Variants in TSPAN5 observed in about 807,000 individuals in gnomAD.
The protein encoded by TSPAN5 is tetraspanin-5.
In TSPAN5, 10 loss-of-function variants were observed where a neutral mutation model predicts 37.1. That is an observed-to-expected ratio of 0.27 (90% confidence interval 0.17 to 0.46). The LOEUF (loss-of-function observed/expected upper bound fraction) is 0.46. TSPAN5 is among the 20% of genes least tolerant of loss of function. The probability of loss-of-function intolerance (pLI) is 1.00; values close to 1 mark genes in which losing one functional copy is unlikely to be tolerated. For synonymous variants in TSPAN5, 110 were observed against 118.9 expected (o/e 0.93, Z 0.48); for missense variants, 195 against 326.6 (o/e 0.60, Z 3.11).
intron 1 of TSPAN5, among the ~76,000 whole-genome samples, chr4:98,515,522 T>G (rs1753708879): frequency 6.6e-6 from 1 of 152,084 alleles, no homozygotes; most frequent in Non-Finnish European, 1.5e-5. Context: ...GCTCTCTCTC[T>G]CTCTCTCTCT....
At chr4:98,537,454 A>G (rs1317907550) in intron 1 of TSPAN5, among the ~76,000 whole-genome samples, 1 of 152,182 alleles carries the variant, frequency 6.6e-6, no homozygotes, top group Non-Finnish European at 1.5e-5. Flanking sequence ...TGCCAGCCAG[A>G]AGCCACTTTT....
chr4:98,602,098 GATATAGTAACAATGAAAAAGT>G (rs1755896762), intron 1 of TSPAN5, among the ~76,000 whole-genome samples: 2 of 152,170 alleles, frequency 1.3e-5, no homozygotes, highest in African/African-American at 4.8e-5. Flanking sequence ...CACCATAACA[GATATAGTAACAATGAAAAAGT>G]ATGGAATGTC....
chr4:98,592,958 T>A (rs1471460512), intron 1 of TSPAN5, among the ~76,000 whole-genome samples: 1 of 123,064 alleles, frequency 8.1e-6, no homozygotes, highest in Non-Finnish European at 1.7e-5. Context: ...TACCCAGTAA[T>A]GGGATGGCTG....
At chr4:98,565,215 T>TC (rs1287843402) in intron 1 of TSPAN5, among the ~76,000 whole-genome samples, 1 of 152,178 alleles carries the variant, frequency 6.6e-6, no homozygotes, top group Non-Finnish European at 1.5e-5. Context: ...TTGGTGTTTT[T>TC]CCCCCTTGTT....
At chr4:98,489,872 G>A (rs1235657786) in intron 2 of TSPAN5, among the ~76,000 whole-genome samples, 1 of 152,274 alleles carries the variant, frequency 6.6e-6, no homozygotes, top group South Asian at 2.1e-4. Flanking sequence ...CTTGGAAGCG[G>A]CCCGCCACCA....
chr4:98,571,287 T>C (rs541827646), intron 1 of TSPAN5, among the ~76,000 whole-genome samples: 169 of 151,296 alleles, frequency 1.1e-3, no homozygotes, highest in African/African-American at 3.8e-3. Flanking sequence ...TGGCCACTCA[T>C]GGAGGGCAGG....
chr4:98,578,326 T>C (rs1755290170), intron 1 of TSPAN5, among the ~76,000 whole-genome samples: 1 of 152,226 alleles, frequency 6.6e-6, no homozygotes, highest in Non-Finnish European at 1.5e-5. Flanking sequence ...AATCGTGGAA[T>C]GATATTCAGT....
chr4:98,637,202 C>T lies in TSPAN5; in HGVS notation c.81+20944G>A, dbSNP rs192548616. Reference sequence around the variant, plus strand: ...TTAAGCCTTTGAAGGACTGCCGTTGCTCCTGCCCTTGATGCACACAGCACT... The same window carrying T: ...TTAAGCCTTTGAAGGACTGCCGTTGTTCCTGCCCTTGATGCACACAGCACT... On this transcript the variant is annotated intron_variant, in intron 1 of 7. Coordinates refer to ENST00000305798, the MANE Select transcript of TSPAN5 (RefSeq NM_005723.4). 2.7e-3 allele frequency among the ~76,000 whole-genome samples: 404 copies of T among 152,340 alleles called. 6 individuals are homozygous for T. The highest frequency in any genetic ancestry group is 9.1e-3 in the African/African-American group (379 of 41,566).
chr4:98,600,957 G>A (rs1755868684), intron 1 of TSPAN5, among the ~76,000 whole-genome samples: 1 of 152,188 alleles, frequency 6.6e-6, no homozygotes, highest in African/African-American at 2.4e-5. Context: ...CAGAATGGAT[G>A]TTTTGTTAGC....
chr4:98,637,769 T>C (rs745476449), intron 1 of TSPAN5, among the ~76,000 whole-genome samples: 1 of 152,208 alleles, frequency 6.6e-6, no homozygotes, highest in Non-Finnish European at 1.5e-5. Flanking sequence ...AACTTAATTA[T>C]AAATGTTTCT....
At chr4:98,569,528 G>C (rs921861607) in intron 1 of TSPAN5, among the ~76,000 whole-genome samples, 2 of 152,190 alleles carry the variant, frequency 1.3e-5, no homozygotes, top group Admixed American at 1.3e-4. Flanking sequence ...GATGGCTGGG[G>C]GTGCTCGTGT....
intron 1 of TSPAN5, among the ~76,000 whole-genome samples, chr4:98,580,216 G>A (rs1264988880): frequency 6.6e-6 from 1 of 152,144 alleles, no homozygotes; most frequent in African/African-American, 2.4e-5. Flanking sequence ...CACACACAAA[G>A]TCTCTGAGAA....
intron 2 of TSPAN5, among the ~76,000 whole-genome samples, chr4:98,499,539 T>C (rs867756655): frequency 4.6e-5 from 7 of 152,166 alleles, no homozygotes; most frequent in South Asian, 2.1e-4. Flanking sequence ...GGGGAATACA[T>C]AGAGAAACAT....
chr4:98,475,717 C>T (rs1249472012), intron 7 of TSPAN5, among the ~76,000 whole-genome samples: 2 of 152,122 alleles, frequency 1.3e-5, no homozygotes, highest in Admixed American at 6.5e-5. Context: ...AGGCCAGGCA[C>T]GGTGGATCAC....
At chr4:98,474,211 T>G (rs565195671) in intron 7 of TSPAN5, among the ~76,000 whole-genome samples, 1 of 152,364 alleles carries the variant, frequency 6.6e-6, no homozygotes, top group Non-Finnish European at 1.5e-5. Flanking sequence ...TGAGTTAATT[T>G]TTACATATGG....
chr4:98,552,039 C>A (rs1234612192), intron 1 of TSPAN5, among the ~76,000 whole-genome samples: 1 of 152,122 alleles, frequency 6.6e-6, no homozygotes, highest in Admixed American at 6.5e-5. Context: ...TTTCCATGAT[C>A]AGTTGTAATG....
intron 1 of TSPAN5, among the ~76,000 whole-genome samples, chr4:98,560,810 C>A (rs767353326): frequency 2.0e-5 from 3 of 152,178 alleles, no homozygotes; most frequent in Non-Finnish European, 4.4e-5. Flanking sequence ...AGATGGGGAG[C>A]TTTTCCAGAC....
chr4:98,476,132 A>G, intron 7 of TSPAN5, 57 bp downstream of exon 7: 1 of 1,370,950 alleles, frequency 7.3e-7, no homozygotes, highest in Non-Finnish European at 1.0e-6. Flanking sequence ...CGATCCTGGC[A>G]AGGGCTCTCC....
chr4:98,513,283 TCTC>T (rs1176165268), intron 1 of TSPAN5, among the ~76,000 whole-genome samples: 1 of 151,968 alleles, frequency 6.6e-6, no homozygotes, highest in Non-Finnish European at 1.5e-5. Flanking sequence ...ATCCAGTCAT[TCTC>T]CTACAAGTGC....
Sources: allele counts gnomAD v4.1 joint callset (sites outside exome capture counted in the v4.1 genomes callset), GRCh38; gene constraint gnomAD v4.1.1; transcripts MANE v1.5; gene names NCBI Gene and HGNC (gene_info 2026-07-23, HGNC 2026-07-21).